The following CELF4 variants were observed in gnomAD, a reference collection of about 807,000 sequenced individuals.
CELF4 encodes CUGBP Elav-like family member 4, also known as CUG-BP- and ETR-3-like factor 4.
In CELF4, 18 loss-of-function variants were observed where a neutral mutation model predicts 59.9. The ratio of observed to expected loss-of-function variants is 0.30; its 90% CI spans 0.21 to 0.45. The LOEUF (loss-of-function observed/expected upper bound fraction) is 0.45. CELF4 is among the 20% of genes least tolerant of loss of function. The pLI, the probability that CELF4 is intolerant of heterozygous loss-of-function variation, is 1.00. For missense variants in CELF4, 456 were observed against 689.0 expected (o/e 0.66, Z 3.79); for synonymous variants, 261 against 267.1 (o/e 0.98, Z 0.22).
chr18:37,528,530 A>C (rs2099966244), intron 1 of CELF4, among the ~76,000 whole-genome samples: 1 of 152,250 alleles, frequency 6.6e-6, no homozygotes, highest in South Asian at 2.1e-4. Flanking sequence ...GTACATGCTG[A>C]TTTGGAAAGA....
At chr18:37,542,171 G>A (rs922268782) in intron 1 of CELF4, among the ~76,000 whole-genome samples, 2 of 152,166 alleles carry the variant, frequency 1.3e-5, no homozygotes, top group African/African-American at 4.8e-5. Context: ...TGTACGAATT[G>A]CAAGACTAAT....
chr18:37,430,387 G>T (rs2154600731), intron 2 of CELF4, among the ~76,000 whole-genome samples: 1 of 152,362 alleles, frequency 6.6e-6, no homozygotes, highest in East Asian at 1.9e-4. Context: ...AGAGACTGGA[G>T]ACTTGGGGTC....
intron 3 of CELF4, 149 bp from the exon 4 acceptor site, chr18:37,275,392 G>GGGGGAC (rs1363591257): frequency 1.7e-6 from 1 of 583,534 alleles, no homozygotes; most frequent in Non-Finnish European, 2.8e-6. Context: ...GTGCGGGGGA[G>GGGGGAC]GGGGACGGGG....
intron 3 of CELF4, 120 bp downstream of exon 3, chr18:37,321,683 C>A (rs979016508): frequency 1.4e-6 from 1 of 694,224 alleles, no homozygotes; most frequent in Non-Finnish European, 2.4e-6. Context: ...CCCTCAGCCA[C>A]GAGATCCCCA....
intron 2 of CELF4, among the ~76,000 whole-genome samples, chr18:37,366,813 C>G (rs1172684935): frequency 6.6e-6 from 1 of 151,632 alleles, no homozygotes; most frequent in Non-Finnish European, 1.5e-5. Context: ...ATTTTTCCCA[C>G]TACATCCAGA....
At chr18:37,288,368 T>C (rs1156827399) in intron 3 of CELF4, among the ~76,000 whole-genome samples, 1 of 152,204 alleles carries the variant, frequency 6.6e-6, no homozygotes, top group African/African-American at 2.4e-5. Context: ...CAGAGCTCCA[T>C]GCATTCATTC....
intron 2 of CELF4, among the ~76,000 whole-genome samples, chr18:37,401,187 A>G (rs912106623): frequency 6.6e-6 from 1 of 152,216 alleles, no homozygotes; most frequent in Non-Finnish European, 1.5e-5. Context: ...GGTTGTAGGT[A>G]GGTCTTCTTC....
chr18:37,456,183 G>A (rs75363710), intron 2 of CELF4, among the ~76,000 whole-genome samples: 4,064 of 152,104 alleles, frequency 0.027, 124 homozygotes, highest in East Asian at 0.15. Context: ...GTTATCCCTG[G>A]GCCTTTTCCT....
chr18:37,548,874 C>G (rs889680613), intron 1 of CELF4, among the ~76,000 whole-genome samples: 14 of 152,216 alleles, frequency 9.2e-5, no homozygotes, highest in Admixed American at 7.9e-4. Context: ...CTGCAGCAGG[C>G]AGTGTCCAAG....
rs768312688 is a variant in CELF4 at position 37,402,349 on chromosome 18, C to T, written c.370-80468G>A. On this transcript the variant is annotated intron_variant, in intron 2 of 12. Coordinates refer to ENST00000420428, the MANE Select transcript of CELF4 (RefSeq NM_020180.4). ...AAGGATGCTCGCTCTTGCTCCTAAA[C>T]GCTCCTATTGCACCTGCCTGGAACA... 9.5e-4 allele frequency among the ~76,000 whole-genome samples: 144 copies of T among 152,330 alleles called. 1 individual carries two copies. Among genetic ancestry groups the T allele is most frequent in the Admixed American group, 1.0e-3 (16 of 15,310 alleles).
intron 3 of CELF4, among the ~76,000 whole-genome samples, chr18:37,295,240 C>T (rs1281746952): frequency 2.0e-5 from 3 of 152,218 alleles, no homozygotes; most frequent in Non-Finnish European, 4.4e-5. Context: ...CAAACGTCCC[C>T]TTTTCCTCTT....
At chr18:37,419,804 G>A (rs951587379) in intron 2 of CELF4, among the ~76,000 whole-genome samples, 2 of 152,222 alleles carry the variant, frequency 1.3e-5, no homozygotes. Flanking sequence ...GAGAGAACCA[G>A]TCCTGTCTGG....
chr18:37,295,378 A>G (rs16968689), intron 3 of CELF4, among the ~76,000 whole-genome samples: 5,940 of 152,296 alleles, frequency 0.039, 386 homozygotes, highest in African/African-American at 0.13. Flanking sequence ...TGAAAGGATT[A>G]TGGGTGGCAG....
chr18:37,420,239 C>T lies in CELF4; in HGVS notation c.369+65286G>A, dbSNP rs367632757. On this transcript the variant is annotated intron_variant, in intron 2 of 12. Coordinates refer to ENST00000420428, the MANE Select transcript of CELF4 (RefSeq NM_020180.4). ...TGTGGCCTCATGGTTAGGGTGCAGA[C>T]CCTGCAGCCAGAACCTGGGGGTTGC... 1.1e-4 allele frequency among the ~76,000 whole-genome samples: 16 copies of T among 152,288 alleles called. No individual in the cohort carries two copies. The East Asian group carries it at 1.2e-3, about 11-fold the overall frequency.
chr18:37,540,431 T>TG (rs5824073), intron 1 of CELF4, among the ~76,000 whole-genome samples: 63,122 of 152,130 alleles, frequency 0.41, 13,627 homozygotes, highest in Non-Finnish European at 0.44. Flanking sequence ...GTCATGGCTC[T>TG]GGGGGCCAAA....
chr18:37,378,545 T>G (rs1904839913), intron 2 of CELF4, among the ~76,000 whole-genome samples: 1 of 152,184 alleles, frequency 6.6e-6, no homozygotes, highest in African/African-American at 2.4e-5. Flanking sequence ...TCTTAGAGCG[T>G]CGAGAGGAAA....
intron 2 of CELF4, among the ~76,000 whole-genome samples, chr18:37,353,082 G>A (rs1249895446): frequency 4.6e-5 from 7 of 151,984 alleles, no homozygotes; most frequent in Admixed American, 3.3e-4. Flanking sequence ...TTAGCCGGGT[G>A]TGATGGCACG....
intron 3 of CELF4, among the ~76,000 whole-genome samples, chr18:37,286,132 G>A (rs2094733723): frequency 6.6e-6 from 1 of 152,100 alleles, no homozygotes; most frequent in South Asian, 2.1e-4. Flanking sequence ...GGAGGACAGG[G>A]TGGTCTACAG....
At chr18:37,284,072 C>T (rs1451641418) in intron 3 of CELF4, among the ~76,000 whole-genome samples, 1 of 141,788 alleles carries the variant, frequency 7.1e-6, no homozygotes, top group African/African-American at 2.6e-5. Flanking sequence ...CCAACACATA[C>T]ATAGACATAC....
Sources: gnomAD v4.1 joint callset for allele counts (sites outside exome capture counted in the v4.1 genomes callset) on GRCh38, gnomAD v4.1.1 for gene constraint, MANE v1.5 for transcripts, NCBI Gene and HGNC (gene_info 2026-07-23, HGNC 2026-07-21) for gene names.